IQCM: variants seen among roughly 807,000 people sequenced by gnomAD.
IQCM encodes IQ motif containing M, also known as IQ domain-containing protein M.
Under a neutral mutation model 57.6 loss-of-function variants are expected in IQCM, and 45 were observed. The observed-to-expected ratio is 0.78, with a 90% CI of 0.62 to 1.00. The LOEUF (loss-of-function observed/expected upper bound fraction) is 1.00, where lower values mean the gene tolerates loss of function less well. IQCM is among the 50% of genes least tolerant of loss of function. The probability of loss-of-function intolerance (pLI) is 0.00; values close to 1 mark genes in which losing one functional copy is unlikely to be tolerated. For missense variants in IQCM, 468 were observed against 511.6 expected (o/e 0.91, Z 0.82); for synonymous variants, 148 against 158.9 (o/e 0.93, Z 0.51).
chr4:149,700,247 C>CTT (rs1763665325), intron 5 of IQCM, among the ~76,000 whole-genome samples: 6 of 152,040 alleles, frequency 3.9e-5, no homozygotes, highest in African/African-American at 1.2e-4. Flanking sequence ...TCACAGATAG[C>CTT]CCACATGGAG....
At chr4:149,370,132 A>T (rs1211080566) in intron 13 of IQCM, among the ~76,000 whole-genome samples, 2 of 152,142 alleles carry the variant, frequency 1.3e-5, no homozygotes, top group African/African-American at 4.8e-5. Flanking sequence ...GCCCTGAGGC[A>T]ATCCTCCTGT....
At chr4:149,468,164 G>C (rs915187003) in intron 12 of IQCM, among the ~76,000 whole-genome samples, 1 of 151,802 alleles carries the variant, frequency 6.6e-6, no homozygotes, top group Non-Finnish European at 1.5e-5. Flanking sequence ...GCAGCCCATG[G>C]AGCTGGGCGG....
At chr4:149,521,432 A>G (rs1560945880) in intron 12 of IQCM, among the ~76,000 whole-genome samples, 1 of 152,232 alleles carries the variant, frequency 6.6e-6, no homozygotes, top group Non-Finnish European at 1.5e-5. Flanking sequence ...CCATAAAAAA[A>G]ATCAGTTTTT....
intron 2 of IQCM, among the ~76,000 whole-genome samples, chr4:149,805,134 G>C (rs1773952883): frequency 6.6e-6 from 1 of 152,088 alleles, no homozygotes; most frequent in Non-Finnish European, 1.5e-5. Flanking sequence ...TTATAGGCTA[G>C]AGTTGCATGA....
At chr4:149,632,933 G>A (rs995698211) in intron 7 of IQCM, among the ~76,000 whole-genome samples, 35 of 151,166 alleles carry the variant, frequency 2.3e-4, no homozygotes, top group African/African-American at 7.5e-4. Flanking sequence ...AGGCCGAGGC[G>A]GGTGGATCAT....
At chr4:149,771,723 G>A (rs1390453241) in intron 2 of IQCM, among the ~76,000 whole-genome samples, 2 of 152,048 alleles carry the variant, frequency 1.3e-5, no homozygotes, top group Admixed American at 1.3e-4. Context: ...AACACTCCAT[G>A]TGTCTTTACA....
chr4:149,807,039 C>T (rs543350418), intron 2 of IQCM, among the ~76,000 whole-genome samples: 1 of 151,800 alleles, frequency 6.6e-6, no homozygotes, highest in Admixed American at 6.6e-5. Flanking sequence ...ATATATTTCA[C>T]ACTCATGGAC....
intron 2 of IQCM, among the ~76,000 whole-genome samples, chr4:149,775,355 AG>A (rs1438095421): frequency 6.6e-6 from 1 of 152,154 alleles, no homozygotes; most frequent in Non-Finnish European, 1.5e-5. Flanking sequence ...GATTTACAAA[AG>A]GGAATCCAGT....
rs1749195979 is a variant in IQCM, at chr4:149,553,170, G to T, written c.1066C>A (p.Leu356Ile). 8 of 1,231,918 alleles carry T rather than the reference G, an allele frequency of 6.5e-6. No homozygotes were observed. Among genetic ancestry groups the T allele is most frequent in the Non-Finnish European group, 6.1e-6 (6 of 987,856 alleles). 76.3% of individuals were successfully genotyped at this position (1,231,918 alleles called of 1,614,324 possible). A position where few individuals can be genotyped will look rare whatever the true frequency, so the allele number is the denominator to read the frequency against. The change falls in exon 11 of 14, where the codon CTA (leucine) becomes ATA (isoleucine). Residue 356 changes from leucine to isoleucine, a missense_variant. Physicochemically the swap from Leu to Ile is conservative, Grantham distance 5. Coordinates refer to ENST00000636793, the MANE Select transcript of IQCM (RefSeq NM_001363507.2). ...RTRQILNLAELEEWMDRKKFY... is the reference protein window; with the variant it reads ...RTRQILNLAEIEEWMDRKKFY... Reference sequence around the variant, plus strand: ...TTTTTTCGGTCCATCCACTCCTCTAGCTCTGCTAAGTTGAGAATTTGTCTT... The same window carrying T: ...TTTTTTCGGTCCATCCACTCCTCTATCTCTGCTAAGTTGAGAATTTGTCTT...
intron 13 of IQCM, among the ~76,000 whole-genome samples, chr4:149,374,664 G>T (rs1730583882): frequency 1.3e-5 from 2 of 152,164 alleles, no homozygotes; most frequent in East Asian, 1.9e-4. Context: ...TGCTATTAAT[G>T]AAAGGAAGTT....
intron 13 of IQCM, among the ~76,000 whole-genome samples, chr4:149,405,893 T>TATATATATATCTTC (rs1553960971): frequency 2.3e-5 from 1 of 43,658 alleles, no homozygotes; most frequent in Admixed American, 2.6e-4. Context: ...TATCTTCATA[T>TATATATATATCTTC]ATATATATAT....
chr4:149,683,301 T>G (rs1762318810), intron 6 of IQCM, among the ~76,000 whole-genome samples: 1 of 151,252 alleles, frequency 6.6e-6, no homozygotes, highest in Middle Eastern at 3.2e-3. Flanking sequence ...TATAAATGCC[T>G]AGAAATTAAA....
At chr4:149,502,487 GGGA>G (rs1743353873) in intron 12 of IQCM, among the ~76,000 whole-genome samples, 1 of 152,060 alleles carries the variant, frequency 6.6e-6, no homozygotes, top group South Asian at 2.1e-4. Context: ...GAGAAACAGA[GGGA>G]GACCCTGTCT....
intron 13 of IQCM, among the ~76,000 whole-genome samples, chr4:149,366,463 A>G (rs1461176381): frequency 4.0e-5 from 6 of 151,656 alleles, no homozygotes; most frequent in African/African-American, 1.2e-4. Context: ...TGCTTGCTCC[A>G]TTGCCTGTTT....
intron 12 of IQCM, among the ~76,000 whole-genome samples, chr4:149,519,673 A>G (rs1433379727): frequency 1.3e-5 from 2 of 150,808 alleles, no homozygotes; most frequent in Non-Finnish European, 3.0e-5. Context: ...TTTCTTAAAA[A>G]TGTGCCTCTT....
At chr4:149,383,315 A>G (rs1731204490) in intron 13 of IQCM, among the ~76,000 whole-genome samples, 1 of 152,204 alleles carries the variant, frequency 6.6e-6, no homozygotes, top group Non-Finnish European at 1.5e-5. Flanking sequence ...ATATCTAGTC[A>G]TTAAATCATG....
Position 149,563,879 on chromosome 4 carries a change from G to A in IQCM, c.761C>T (p.Thr254Ile). 1 of 1,224,342 alleles carries A rather than the reference G, an allele frequency of 8.2e-7. No individual in the cohort carries two copies. The highest frequency in any genetic ancestry group is 1.0e-6 in the Non-Finnish European group (1 of 981,190). The allele number at this position is 1,224,342 out of a possible 1,614,324, so 75.8% of individuals were successfully genotyped here. The change falls in exon 10 of 14, where the codon ACT becomes ATT. Residue 254 changes from threonine (T) to isoleucine (I), a missense_variant. Transcript: ENST00000636793. The stretch of plus-strand genomic sequence containing the variant: ...GTCAAGTTTATCAGTTTTATTTGGA[G>A]TACCTTTTATCCTAAAAATAAAACA... ...EPKSQPRIKG[T>I]PNKTDKLDSK...
At chr4:149,471,794 C>T (rs1397642408) in intron 12 of IQCM, among the ~76,000 whole-genome samples, 11 of 152,166 alleles carry the variant, frequency 7.2e-5, no homozygotes, top group Admixed American at 7.2e-4. Context: ...GGCTTCATCC[C>T]TGGGTTGCAA....
chr4:149,506,277 C>G (rs1743805007), intron 12 of IQCM, among the ~76,000 whole-genome samples: 1 of 152,140 alleles, frequency 6.6e-6, no homozygotes, highest in African/African-American at 2.4e-5. Flanking sequence ...AACTCATTAG[C>G]CTAACTAGTC....
Sources: gnomAD v4.1 joint callset for allele counts (sites outside exome capture counted in the v4.1 genomes callset) on GRCh38, gnomAD v4.1.1 for gene constraint, MANE v1.5 for transcripts, NCBI Gene and HGNC (gene_info 2026-07-23, HGNC 2026-07-21) for gene names.